PPM1E: variants seen among roughly 807,000 people sequenced by gnomAD.
The protein encoded by PPM1E is protein phosphatase, Mg2+/Mn2+ dependent 1E, also known as protein phosphatase 1E.
A neutral mutation model predicts 65.9 loss-of-function variants in PPM1E; 20 were observed. The ratio of observed to expected loss-of-function variants is 0.30; its 90% CI spans 0.21 to 0.44. The LOEUF (loss-of-function observed/expected upper bound fraction) is 0.44, where lower values mean the gene tolerates loss of function less well. Ranked by LOEUF, PPM1E falls within the 20% of genes least tolerant of loss-of-function variation. The probability of loss-of-function intolerance (pLI) is 1.00; values close to 1 mark genes in which losing one functional copy is unlikely to be tolerated. For synonymous variants in PPM1E, 352 were observed against 374.9 expected, an observed-to-expected ratio of 0.94 and a Z score of 0.70; for missense variants, 713 against 953.1, an observed-to-expected ratio of 0.75 and a Z score of 3.32.
chr17:58,824,854 C>T (rs1290191758), intron 1 of PPM1E, among the ~76,000 whole-genome samples: 7 of 151,630 alleles, frequency 4.6e-5, no homozygotes, highest in African/African-American at 7.3e-5. Context: ...GTGATCCGCC[C>T]GCCTCGGCCT....
At position 58,985,146 on chromosome 17, in the gene PPM1E, A is replaced by G. The variant is rs1182140876; in HGVS notation, c.*4115A>G. On this transcript the variant is annotated 3_prime_UTR_variant, in exon 7 of 7. Coordinates refer to ENST00000308249, the MANE Select transcript of PPM1E (RefSeq NM_014906.5). ...TAAGGTGTATGTTGAAATTTTGCCA[A>G]TTATCTTAATAAAACCTGGCAATTT... is the stretch of plus-strand genomic sequence containing the variant. The G allele has an allele frequency of 6.6e-6, 1 of 152,644 alleles. No homozygotes were observed. Among genetic ancestry groups the G allele is most frequent in the Non-Finnish European group, 1.5e-5 (1 of 68,036 alleles). 9.5% of individuals were successfully genotyped at this position (152,644 alleles called of 1,614,324 possible). A position where few individuals can be genotyped will look rare whatever the true frequency, so the allele number is the denominator to read the frequency against.
intron 1 of PPM1E, among the ~76,000 whole-genome samples, chr17:58,892,095 CA>C (rs1294373539): frequency 6.6e-6 from 1 of 152,092 alleles, no homozygotes; most frequent in East Asian, 1.9e-4. Context: ...CTTGGCCTCC[CA>C]AAGTGCTGGG....
chr17:58,845,392 T>A lies in PPM1E; in HGVS notation c.464+88931T>A, dbSNP rs1056599756. On this transcript the variant is annotated intron_variant, in intron 1 of 6. Coordinates refer to ENST00000308249, the MANE Select transcript of PPM1E (RefSeq NM_014906.5). ...TTTTTAAGTATACAATTTATTGGTA[T>A]TAAGTATATTAATATTATTGTACAA... 5.9e-5 allele frequency among the ~76,000 whole-genome samples: 9 copies of A among 152,034 alleles called. No homozygotes were observed. The Middle Eastern group carries it at 0.01, about 172-fold the overall frequency.
chr17:58,841,460 A>G (rs966156888), intron 1 of PPM1E, among the ~76,000 whole-genome samples: 1 of 152,090 alleles, frequency 6.6e-6, no homozygotes, highest in Admixed American at 6.6e-5. Context: ...ATGGCACTTT[A>G]TCTCTGTGAT....
chr17:58,821,703 A>G (rs1337340411), intron 1 of PPM1E, among the ~76,000 whole-genome samples: 1 of 152,206 alleles, frequency 6.6e-6, no homozygotes, highest in Non-Finnish European at 1.5e-5. Flanking sequence ...ATGGAAATAG[A>G]GTAATAACCG....
Position 58,925,735 on chromosome 17 carries a change from T to C in PPM1E, c.465-29914T>C, listed in dbSNP as rs117462696. On this transcript the variant is annotated intron_variant, in intron 1 of 6. Transcript: ENST00000308249. Reference sequence around the variant, plus strand: ...GATTACAGGCGTGGGGCTGTTTTTTTCTTGTAAATTTGTTTAAGTTCTTTG... The same window carrying C: ...GATTACAGGCGTGGGGCTGTTTTTTCCTTGTAAATTTGTTTAAGTTCTTTG... Among the ~76,000 whole-genome samples, 1,479 of 152,182 alleles carry C rather than the reference T, an allele frequency of 9.7e-3. 15 individuals carry two copies. Among genetic ancestry groups the C allele is most frequent in the Non-Finnish European group, 0.015 (1,011 of 68,000 alleles).
chr17:58,846,987 T>C (rs2143244239), intron 1 of PPM1E, among the ~76,000 whole-genome samples: 1 of 152,330 alleles, frequency 6.6e-6, no homozygotes, highest in Non-Finnish European at 1.5e-5. Context: ...TGGTATCTCA[T>C]TGTGGTTTTG....
chr17:58,775,596 A>G (rs2049985450), intron 1 of PPM1E, among the ~76,000 whole-genome samples: 1 of 152,104 alleles, frequency 6.6e-6, no homozygotes, highest in Non-Finnish European at 1.5e-5. Flanking sequence ...TTTACTGATT[A>G]TATGTAGTAA....
chr17:58,880,629 TTTG>T (rs2051184482), intron 1 of PPM1E, among the ~76,000 whole-genome samples: 1 of 151,824 alleles, frequency 6.6e-6, no homozygotes, highest in Admixed American at 6.6e-5. Flanking sequence ...TGTTTGTTTG[TTTG>T]TTTTCTTTTG....
At chr17:58,797,904 A>G (rs1157871277) in intron 1 of PPM1E, among the ~76,000 whole-genome samples, 4 of 152,164 alleles carry the variant, frequency 2.6e-5, no homozygotes, top group South Asian at 2.1e-4. Context: ...ATTTTTGGCT[A>G]TTCTCTTGGC....
intron 1 of PPM1E, among the ~76,000 whole-genome samples, chr17:58,900,309 A>G (rs1362254035): frequency 6.6e-6 from 1 of 152,182 alleles, no homozygotes; most frequent in Non-Finnish European, 1.5e-5. Context: ...AGATGTGGCA[A>G]ACTTCATTGT....
chr17:58,904,191 G>A lies in PPM1E; in HGVS notation c.465-51458G>A, dbSNP rs116840229. Among the ~76,000 whole-genome samples the A allele has an allele frequency of 2.6e-3, 390 of 152,240 alleles. 1 individual carries two copies. The highest frequency in any genetic ancestry group is 9.1e-3 in the African/African-American group (378 of 41,546). ...AAAGTATAGAAGTTGAAGAAAAGAA[G>A]TTGAAGTCTTTCTTATATAATATTT... On this transcript the variant is annotated intron_variant, in intron 1 of 6. Coordinates refer to ENST00000308249, the MANE Select transcript of PPM1E (RefSeq NM_014906.5).
At chr17:58,788,332 CTCTT>C (rs750808526) in intron 1 of PPM1E, among the ~76,000 whole-genome samples, 1 of 152,130 alleles carries the variant, frequency 6.6e-6, no homozygotes, top group Non-Finnish European at 1.5e-5. Context: ...TCTGTATAAA[CTCTT>C]TCTTTCCTTG....
At chr17:58,770,532 A>G (rs920187343) in intron 1 of PPM1E, among the ~76,000 whole-genome samples, 2 of 152,150 alleles carry the variant, frequency 1.3e-5, no homozygotes, top group Admixed American at 1.3e-4. Context: ...GTGAGACCCC[A>G]TTTTTAAATT....
intron 1 of PPM1E, among the ~76,000 whole-genome samples, chr17:58,889,810 C>T (rs190085639): frequency 7.9e-5 from 12 of 152,230 alleles, no homozygotes; most frequent in Non-Finnish European, 1.6e-4. Context: ...CCTCAAAATA[C>T]CTCATAATAC....
intron 1 of PPM1E, among the ~76,000 whole-genome samples, chr17:58,783,982 A>G (rs1211691790): frequency 6.6e-6 from 1 of 150,884 alleles, no homozygotes; most frequent in Non-Finnish European, 1.5e-5. Context: ...AAGTGTTGGG[A>G]TTACAGGTGT....
At chr17:58,825,028 G>C (rs887764712) in intron 1 of PPM1E, among the ~76,000 whole-genome samples, 10 of 152,014 alleles carry the variant, frequency 6.6e-5, no homozygotes, top group Non-Finnish European at 1.5e-4. Flanking sequence ...GGGGGGAAGA[G>C]TGGGAGTGGG....
At position 58,822,665 on chromosome 17, in the gene PPM1E, A is replaced by G. The variant is rs184066478; in HGVS notation, c.464+66204A>G. ...TCTTATTAAGATAATTCATGCTTTA[A>G]ACACTGGTTGGCCATGAATTGAAGA... On this transcript the variant is annotated intron_variant, in intron 1 of 6. Transcript: ENST00000308249. Among the ~76,000 whole-genome samples, 11 of 152,322 alleles carry G rather than the reference A, an allele frequency of 7.2e-5. No individual in the cohort carries two copies. The East Asian group carries it at 2.1e-3, about 29-fold the overall frequency.
intron 1 of PPM1E, among the ~76,000 whole-genome samples, chr17:58,806,441 G>A (rs2050315064): frequency 6.6e-6 from 1 of 151,784 alleles, no homozygotes; most frequent in African/African-American, 2.4e-5. Context: ...AAAAAAAAAT[G>A]TGATAGGAAA....
Sources: gnomAD v4.1 joint callset for allele counts (sites outside exome capture counted in the v4.1 genomes callset) on GRCh38, gnomAD v4.1.1 for gene constraint, MANE v1.5 for transcripts, NCBI Gene and HGNC (gene_info 2026-07-23, HGNC 2026-07-21) for gene names.